The following CDK15 variants were observed in gnomAD, a reference collection of about 807,000 sequenced individuals.
CDK15 encodes the protein cyclin dependent kinase 15.
In CDK15, 62 loss-of-function variants were observed where a neutral mutation model predicts 60.3. The observed-to-expected ratio is 1.03, with a 90% CI of 0.84 to 1.27. The LOEUF (loss-of-function observed/expected upper bound fraction) is 1.27. Ranked by LOEUF, CDK15 falls within the 50% of genes most tolerant of loss-of-function variation. The pLI, the probability that CDK15 is intolerant of heterozygous loss-of-function variation, is 0.00. For missense variants in CDK15, 541 were observed against 527.8 expected (o/e 1.03, Z -0.25); for synonymous variants, 194 against 195.7 (o/e 0.99, Z 0.07).
intron 10 of CDK15, among the ~76,000 whole-genome samples, chr2:201,866,923 A>C (rs1380360940): frequency 3.3e-5 from 5 of 152,154 alleles, no homozygotes; most frequent in Non-Finnish European, 7.4e-5. Flanking sequence ...TTCCTGTCTC[A>C]GCTAATGTAG....
intron 6 of CDK15, among the ~76,000 whole-genome samples, chr2:201,828,281 C>G (rs1258607250): frequency 3.4e-5 from 4 of 116,856 alleles, no homozygotes; most frequent in Non-Finnish European, 7.6e-5. Context: ...ATCTGAGGGT[C>G]ATCAGCACAT....
In CDK15 at chr2:201,822,879, A is replaced by G. The variant is rs1305857445; in HGVS notation, c.519A>G (p.Thr173=). The change falls in exon 5 of 14, where the codon ACA becomes ACG. Residue 173 remains threonine (T), a synonymous_variant. Coordinates refer to ENST00000652192, the MANE Select transcript of CDK15 (RefSeq NM_001366386.2). The stretch of plus-strand genomic sequence containing the variant: ...ATGACATAATCCACACCAAAGAGAC[A>G]CTGACATTCGTTTTTGAATACATGG... ...LLHDIIHTKE[T]LTFVFEYMHT... 6.2e-6 allele frequency: 10 copies of G among 1,611,522 alleles called. No individual in the cohort carries two copies. The highest frequency in any genetic ancestry group is 8.5e-6 in the Non-Finnish European group (10 of 1,177,842).
At chr2:201,888,972 A>T in intron 12 of CDK15, 3 of 986,278 alleles carry the variant, frequency 3.0e-6, no homozygotes, top group Non-Finnish European at 3.6e-6. Flanking sequence ...AAAATTGCAT[A>T]TTATAATATC....
At chr2:201,874,443 A>G (rs563341483) in intron 11 of CDK15, among the ~76,000 whole-genome samples, 12 of 152,268 alleles carry the variant, frequency 7.9e-5, no homozygotes, top group African/African-American at 2.4e-4. Context: ...AATCCTTACA[A>G]ATATCATTCC....
At chr2:201,876,494 A>G (rs945591181) in intron 11 of CDK15, 1 of 925,124 alleles carries the variant, frequency 1.1e-6, no homozygotes, top group Admixed American at 2.3e-5. Context: ...TGGCTTGTAC[A>G]GGGGAGACCG....
intron 10 of CDK15, among the ~76,000 whole-genome samples, chr2:201,870,479 T>G (rs1574925599): frequency 6.9e-6 from 1 of 144,924 alleles, no homozygotes; most frequent in Admixed American, 7.1e-5. Context: ...GAGGCTAAGG[T>G]GGGAGGAACA....
intron 12 of CDK15, among the ~76,000 whole-genome samples, chr2:201,887,949 G>T (rs1386260520): frequency 6.6e-6 from 1 of 151,970 alleles, no homozygotes; most frequent in East Asian, 1.9e-4. Flanking sequence ...CCAGCTGATG[G>T]ATTGATGATG....
intron 4 of CDK15, among the ~76,000 whole-genome samples, chr2:201,820,021 C>G (rs1043256591): frequency 2.6e-5 from 4 of 152,092 alleles, no homozygotes; most frequent in Non-Finnish European, 5.9e-5. Context: ...TCATAATGAA[C>G]AAATCATGCC....
intron 12 of CDK15, among the ~76,000 whole-genome samples, chr2:201,887,261 C>T (rs894937960): frequency 5.3e-5 from 8 of 152,070 alleles, no homozygotes; most frequent in Non-Finnish European, 1.2e-4. Flanking sequence ...AACTAGAATA[C>T]AAAATTGCAT....
chr2:201,842,362 A>T (rs1297097465), intron 8 of CDK15, among the ~76,000 whole-genome samples: 1 of 152,188 alleles, frequency 6.6e-6, no homozygotes, highest in African/African-American at 2.4e-5. Flanking sequence ...TCTATTCAGT[A>T]TCAGTTTCAG....
chr2:201,845,656 C>T (rs370857566), intron 8 of CDK15, among the ~76,000 whole-genome samples: 1 of 144,022 alleles, frequency 6.9e-6, no homozygotes, highest in African/African-American at 2.6e-5. Context: ...ATGTAATAAA[C>T]ACATATGAAT....
intron 9 of CDK15, among the ~76,000 whole-genome samples, chr2:201,854,003 T>TACAACA (rs540379173): frequency 6.6e-6 from 1 of 151,794 alleles, no homozygotes; most frequent in Non-Finnish European, 1.5e-5. Context: ...CTACTAAAAA[T>TACAACA]ACAACAACAA....
chr2:201,822,779 T>C (rs770239590), intron 4 of CDK15, 30 bp from the exon 5 acceptor site: 1 of 1,293,040 alleles, frequency 7.7e-7, no homozygotes, highest in East Asian at 2.3e-5. Context: ...TTATCAATGA[T>C]GGATTTAACA....
rs200379340 is a variant in CDK15, at chr2:201,847,381, G to A, written c.852G>A (p.Trp284Ter). ...ATEYSSELDI[W>*]GAGCIFIEMF... ...AATTTACTCTTATTTCATTTGCTAG[G>A]GGTGCAGGCTGCATCTTTATTGAAA... The change falls in exon 9 of 14, where the codon TGG becomes TGA. Residue 284 changes from tryptophan (W) to a stop codon, truncating the protein, a stop_gained and splice_region_variant. Transcript: ENST00000652192. LOFTEE classifies it high-confidence loss of function. The A allele has an allele frequency of 6.6e-5, 107 of 1,613,146 alleles. No homozygotes were observed. Among genetic ancestry groups the A allele is most frequent in the Middle Eastern group, 3.3e-4 (2 of 6,084 alleles).
At chr2:201,844,906 T>C (rs1697577671) in intron 8 of CDK15, among the ~76,000 whole-genome samples, 1 of 152,172 alleles carries the variant, frequency 6.6e-6, no homozygotes, top group African/African-American at 2.4e-5. Context: ...TCCAGCACTT[T>C]GGAAGGCTGA....
At chr2:201,856,908 C>T (rs1698163787) in intron 10 of CDK15, among the ~76,000 whole-genome samples, 1 of 152,058 alleles carries the variant, frequency 6.6e-6, no homozygotes, top group Non-Finnish European at 1.5e-5. Context: ...TGCTTCCCTG[C>T]CAGATTGTGT....
At chr2:201,836,751 G>T (rs1697109024) in intron 8 of CDK15, among the ~76,000 whole-genome samples, 2 of 150,600 alleles carry the variant, frequency 1.3e-5, no homozygotes. Context: ...ACACACATCT[G>T]CATGAACATA....
At chr2:201,813,408 G>C (rs1695859519) in intron 4 of CDK15, among the ~76,000 whole-genome samples, 1 of 152,174 alleles carries the variant, frequency 6.6e-6, no homozygotes, top group African/African-American at 2.4e-5. Flanking sequence ...TTTGAAATAA[G>C]ATGATGATAG....
chr2:201,862,642 T>C (rs1421012534), intron 10 of CDK15, among the ~76,000 whole-genome samples: 1 of 152,228 alleles, frequency 6.6e-6, no homozygotes, highest in Non-Finnish European at 1.5e-5. Flanking sequence ...CCTTATCAGA[T>C]AGAGACAATG....
Sources: allele counts gnomAD v4.1 joint callset (sites outside exome capture counted in the v4.1 genomes callset), GRCh38; gene constraint gnomAD v4.1.1; transcripts MANE v1.5; gene names NCBI Gene and HGNC (gene_info 2026-07-23, HGNC 2026-07-21).